The following OSBPL8 variants were observed in gnomAD, a reference collection of about 807,000 sequenced individuals.
OSBPL8 encodes the protein oxysterol binding protein like 8, also known as oxysterol-binding protein-related protein 8.
In OSBPL8, 59 loss-of-function variants were observed where a neutral mutation model predicts 125.5. The observed-to-expected ratio is 0.47, with a 90% CI of 0.38 to 0.58. The LOEUF is 0.58. Ranked by LOEUF, OSBPL8 falls within the 20% of genes least tolerant of loss-of-function variation. The probability of loss-of-function intolerance (pLI) is 0.00; values close to 1 mark genes in which losing one functional copy is unlikely to be tolerated. For missense variants in OSBPL8, 758 were observed against 1,047.8 expected, an observed-to-expected ratio of 0.72 and a Z score of 3.82; for synonymous variants, 330 against 338.9, an observed-to-expected ratio of 0.97 and a Z score of 0.29.
At chr12:76,516,073 A>G (rs1565961629) in intron 1 of OSBPL8, among the ~76,000 whole-genome samples, 1 of 152,222 alleles carries the variant, frequency 6.6e-6, no homozygotes, top group Non-Finnish European at 1.5e-5. Flanking sequence ...CAGGAAAATC[A>G]AACGGCTAAT....
intron 2 of OSBPL8, among the ~76,000 whole-genome samples, chr12:76,460,607 T>C (rs1180783365): frequency 1.3e-5 from 2 of 152,146 alleles, no homozygotes; most frequent in Admixed American, 6.5e-5. Flanking sequence ...CTAATGGTCT[T>C]TGGGAAGTCA....
At chr12:76,360,795 G>A (rs1158797140) in intron 21 of OSBPL8, among the ~76,000 whole-genome samples, 1 of 152,230 alleles carries the variant, frequency 6.6e-6, no homozygotes, top group East Asian at 1.9e-4. Context: ...CTGAAACCAT[G>A]GGCAGAGCTG....
intron 1 of OSBPL8, among the ~76,000 whole-genome samples, chr12:76,547,984 G>A (rs957481787): frequency 2.6e-5 from 4 of 152,104 alleles, no homozygotes; most frequent in African/African-American, 9.7e-5. Flanking sequence ...GGACATAAGT[G>A]TATTTTAACA....
At chr12:76,362,212 A>G (rs1004920128) in intron 21 of OSBPL8, among the ~76,000 whole-genome samples, 4 of 152,048 alleles carry the variant, frequency 2.6e-5, no homozygotes, top group Non-Finnish European at 4.4e-5. Context: ...GCTTATTTAA[A>G]ATAACAAGGC....
At chr12:76,368,021 C>A (rs1952484756) in intron 21 of OSBPL8, among the ~76,000 whole-genome samples, 1 of 152,140 alleles carries the variant, frequency 6.6e-6, no homozygotes, top group Non-Finnish European at 1.5e-5. Flanking sequence ...CAACTATTTA[C>A]TAAAAATCTT....
At chr12:76,363,242 G>A (rs1352801425) in intron 21 of OSBPL8, among the ~76,000 whole-genome samples, 7 of 152,148 alleles carry the variant, frequency 4.6e-5, no homozygotes, top group African/African-American at 9.7e-5. Flanking sequence ...TAAGCAAAAC[G>A]AACAAAGCTG....
intron 1 of OSBPL8, among the ~76,000 whole-genome samples, chr12:76,522,949 T>C (rs1950064127): frequency 6.6e-6 from 1 of 152,206 alleles, no homozygotes. Context: ...GTGATCTTCC[T>C]ACCTCAGCCT....
At chr12:76,540,458 G>A (rs1950608484) in intron 1 of OSBPL8, among the ~76,000 whole-genome samples, 1 of 151,298 alleles carries the variant, frequency 6.6e-6, no homozygotes, top group African/African-American at 2.4e-5. Flanking sequence ...AATAGAATAC[G>A]AGTTCTGTTT....
intron 4 of OSBPL8, among the ~76,000 whole-genome samples, chr12:76,425,425 T>C (rs760997567): frequency 2.6e-5 from 4 of 152,138 alleles, no homozygotes; most frequent in Admixed American, 2.0e-4. Context: ...AATATTCCTA[T>C]AGGACTTACT....
At chr12:76,456,515 T>C (rs1329693805) in intron 3 of OSBPL8, among the ~76,000 whole-genome samples, 1 of 151,914 alleles carries the variant, frequency 6.6e-6, no homozygotes, top group Non-Finnish European at 1.5e-5. Context: ...CTGGGCATGG[T>C]GGTGCACGCC....
At chr12:76,390,350 ATCT>A in intron 11 of OSBPL8, 67 bp downstream of exon 11, 1 of 1,142,512 alleles carries the variant, frequency 8.8e-7, no homozygotes, top group South Asian at 1.4e-5. Context: ...AGCAAATAAT[ATCT>A]TCAATTTCAT....
chr12:76,352,952 A>G lies in OSBPL8; in HGVS notation c.*2937T>C, dbSNP rs1378401487. The G allele has an allele frequency of 6.6e-6, 1 of 152,500 alleles. No homozygotes were observed. The highest frequency in any genetic ancestry group is 1.5e-5 in the Non-Finnish European group (1 of 67,900). 9.4% of individuals were successfully genotyped at this position (152,500 alleles called of 1,614,324 possible). A position where few individuals can be genotyped will look rare whatever the true frequency, so the allele number is the denominator to read the frequency against. On this transcript the variant is annotated 3_prime_UTR_variant, in exon 24 of 24. Coordinates refer to ENST00000261183, the MANE Select transcript of OSBPL8 (RefSeq NM_020841.5). ...AGAATAGGTAAATAGACAAACCCCT[A>G]TAAAAGATAGTATTATTGTTTAAAT...
chr12:76,459,782 C>A, intron 3 of OSBPL8, 77 bp downstream of exon 3: 3 of 1,495,192 alleles, frequency 2.0e-6, no homozygotes, highest in Non-Finnish European at 2.8e-6. Context: ...ATTGAAACAC[C>A]ATTTGCCTTT....
intron 1 of OSBPL8, among the ~76,000 whole-genome samples, chr12:76,514,709 C>G (rs1263440628): frequency 6.6e-6 from 1 of 152,162 alleles, no homozygotes; most frequent in Admixed American, 6.5e-5. Context: ...TCTAGCAAAG[C>G]TGGGGAAGTT....
chr12:76,399,868 C>T lies in OSBPL8; in HGVS notation c.468+5G>A. 6.3e-7 allele frequency: 1 copy of T among 1,585,556 alleles called. No individual in the cohort carries two copies. The highest frequency in any genetic ancestry group is 8.5e-7 in the Non-Finnish European group (1 of 1,170,336). ...ATCTGAATTCATGATTCAAAACACA[C>T]TGACCTTTAACCAATCAGCCATAAC... On this transcript the variant is annotated splice_donor_5th_base_variant and intron_variant, in intron 7 of 23. Transcript: ENST00000261183.
intron 3 of OSBPL8, among the ~76,000 whole-genome samples, chr12:76,458,635 G>A (rs1874346270): frequency 6.6e-6 from 1 of 151,888 alleles, no homozygotes; most frequent in African/African-American, 2.4e-5. Context: ...CATGAGTTAT[G>A]GTCGTGCTAC....
chr12:76,455,061 C>T (rs532181680), intron 3 of OSBPL8, among the ~76,000 whole-genome samples: 1 of 148,322 alleles, frequency 6.7e-6, no homozygotes, highest in Admixed American at 6.8e-5. Context: ...GGTGAAACCT[C>T]GTCTCCACTA....
intron 1 of OSBPL8, among the ~76,000 whole-genome samples, chr12:76,549,782 A>G (rs1428465946): frequency 6.6e-6 from 1 of 152,216 alleles, no homozygotes; most frequent in African/African-American, 2.4e-5. Context: ...ACAATATTGT[A>G]CCCAGCCAAA....
At position 76,355,839 on chromosome 12, in the gene OSBPL8, C is replaced by A; in HGVS notation, c.*50G>T. ...GACCAAACCAACTTGAACACTGGTC[C>A]CAGGCCAAATCAGATCTTTCTAGTT... On this transcript the variant is annotated 3_prime_UTR_variant, in exon 24 of 24. Transcript: ENST00000261183. 6.3e-7 allele frequency: 1 copy of A among 1,577,332 alleles called. No individual in the cohort carries two copies. Among genetic ancestry groups the A allele is most frequent in the South Asian group, 1.2e-5 (1 of 85,640 alleles).
Sources: allele counts gnomAD v4.1 joint callset (sites outside exome capture counted in the v4.1 genomes callset), GRCh38; gene constraint gnomAD v4.1.1; transcripts MANE v1.5; gene names NCBI Gene and HGNC (gene_info 2026-07-23, HGNC 2026-07-21).